CSTPP1: variants seen among roughly 807,000 people sequenced by gnomAD.
CSTPP1 encodes the protein centriolar satellite-associated tubulin polyglutamylase complex regulator 1.
chr11:47,150,811 C>G, the CSTPP1 span, among the ~76,000 whole-genome samples: 1 of 142,818 alleles, frequency 7.0e-6, no homozygotes, highest in East Asian at 2.1e-4. Context: ...AGGCAGGGGG[C>G]AGATGGAGCG....
the CSTPP1 span, among the ~76,000 whole-genome samples, chr11:46,984,003 A>C: frequency 1.3e-5 from 2 of 152,308 alleles, no homozygotes; most frequent in East Asian, 3.9e-4. Context: ...TTTAGGGACA[A>C]GTTCTAACTT....
the CSTPP1 span, among the ~76,000 whole-genome samples, chr11:46,989,054 AC>A: frequency 6.6e-6 from 1 of 151,242 alleles, no homozygotes; most frequent in African/African-American, 2.4e-5. Flanking sequence ...ACATGTTGAA[AC>A]CCCATCTCTA....
the CSTPP1 span, chr11:47,161,926 C>A: frequency 8.4e-7 from 1 of 1,184,174 alleles, no homozygotes; most frequent in Non-Finnish European, 1.1e-6. Context: ...TGTTAGTCCT[C>A]CTAACCTCTT....
the CSTPP1 span, among the ~76,000 whole-genome samples, chr11:47,087,154 C>CT: frequency 6.6e-6 from 1 of 152,004 alleles, no homozygotes; most frequent in Non-Finnish European, 1.5e-5. Context: ...CTTAGCCAAG[C>CT]TTTTTTAAAA....
chr11:46,981,219 G>A, the CSTPP1 span, among the ~76,000 whole-genome samples: 1 of 151,518 alleles, frequency 6.6e-6, no homozygotes, highest in African/African-American at 2.4e-5. Flanking sequence ...AGGTAAGTAG[G>A]TTCCATATTG....
chr11:47,105,096 G>A, the CSTPP1 span, among the ~76,000 whole-genome samples: 3 of 152,150 alleles, frequency 2.0e-5, no homozygotes, highest in Admixed American at 6.5e-5. Context: ...ATGGTTTGAG[G>A]ATCTAAGCCC....
chr11:46,967,945 C>T, the CSTPP1 span, among the ~76,000 whole-genome samples: 946 of 151,954 alleles, frequency 6.2e-3, 14 homozygotes, highest in African/African-American at 0.022. Context: ...AAAGGGGCTC[C>T]GGTGAGCTGA....
the CSTPP1 span, among the ~76,000 whole-genome samples, chr11:47,085,876 TC>T: frequency 7.7e-6 from 1 of 129,820 alleles, no homozygotes; most frequent in Non-Finnish European, 1.6e-5. Flanking sequence ...AAACTCTGTC[TC>T]AAAAAAAAAA....
At chr11:47,156,839 T>C in the CSTPP1 span, among the ~76,000 whole-genome samples, 2 of 152,192 alleles carry the variant, frequency 1.3e-5, no homozygotes, top group African/African-American at 2.4e-5. Context: ...CACAGATTAG[T>C]GTCATCTCTC....
chr11:47,038,093 G>C, the CSTPP1 span, among the ~76,000 whole-genome samples: 52 of 74,714 alleles, frequency 7.0e-4, no homozygotes, highest in South Asian at 1.2e-3. Flanking sequence ...GCGGCTGGCC[G>C]GGCGGGGGGC....
chr11:47,101,474 A>T, the CSTPP1 span, among the ~76,000 whole-genome samples: 1 of 151,906 alleles, frequency 6.6e-6, no homozygotes, highest in South Asian at 2.1e-4. Context: ...ATAAAATATG[A>T]ATTTCCCATG....
the CSTPP1 span, among the ~76,000 whole-genome samples, chr11:47,097,154 TG>T: frequency 1.0e-5 from 1 of 99,694 alleles, no homozygotes; most frequent in African/African-American, 3.4e-5. Context: ...GAGGTGGGGG[TG>T]TCAGCCCTCC....
chr11:46,994,954 G>T, the CSTPP1 span, among the ~76,000 whole-genome samples: 1 of 152,096 alleles, frequency 6.6e-6, no homozygotes. Flanking sequence ...TAATTTCAGA[G>T]CCTGTTATTG....
chr11:47,145,900 A>ACTGTT, the CSTPP1 span, among the ~76,000 whole-genome samples: 2 of 151,200 alleles, frequency 1.3e-5, no homozygotes, highest in African/African-American at 4.9e-5. Flanking sequence ...CTTTCCGTAA[A>ACTGTT]TTATTTTATT....
chr11:46,972,108 A>G, the CSTPP1 span, among the ~76,000 whole-genome samples: 1 of 152,232 alleles, frequency 6.6e-6, no homozygotes, highest in Admixed American at 6.5e-5. Flanking sequence ...TGGTCCCTCT[A>G]ACAAGACTTT....
chr11:47,153,098 C>T, the CSTPP1 span, among the ~76,000 whole-genome samples: 1 of 152,176 alleles, frequency 6.6e-6, no homozygotes, highest in Non-Finnish European at 1.5e-5. Context: ...CTCTAGCTGC[C>T]CGCTCTCTGC....
chr11:47,155,301 C>A, the CSTPP1 span: 1 of 1,526,008 alleles, frequency 6.6e-7, no homozygotes, highest in South Asian at 1.1e-5. Context: ...GCACAGGACC[C>A]TGTCTCCCTG....
chr11:47,151,836 C>T, the CSTPP1 span, among the ~76,000 whole-genome samples: 1 of 151,994 alleles, frequency 6.6e-6, no homozygotes, highest in Non-Finnish European at 1.5e-5. Flanking sequence ...TCGCCCCCTA[C>T]TCCCTCCTGC....
chr11:47,023,081 G>A, the CSTPP1 span, among the ~76,000 whole-genome samples: 1 of 152,146 alleles, frequency 6.6e-6, no homozygotes, highest in African/African-American at 2.4e-5. Context: ...GCTTCTAAGT[G>A]ATGCTAGTGC....
Sources: allele counts gnomAD v4.1 joint callset (sites outside exome capture counted in the v4.1 genomes callset), GRCh38; gene constraint gnomAD v4.1.1; transcripts MANE v1.5; gene names NCBI Gene and HGNC (gene_info 2026-07-23, HGNC 2026-07-21).